Variants in FGGY observed in about 807,000 individuals in gnomAD.
The protein encoded by FGGY is FGGY carbohydrate kinase domain containing.
Under a neutral mutation model 71.3 loss-of-function variants are expected in FGGY, and 72 were observed. That is an observed-to-expected ratio of 1.01 (90% CI 0.84 to 1.23). FGGY has a LOEUF of 1.23. Ranked by LOEUF, FGGY falls within the 50% of genes most tolerant of loss-of-function variation. FGGY has a pLI of 0.00. For missense variants in FGGY, 668 were observed against 682.3 expected (o/e 0.98, Z 0.23); for synonymous variants, 251 against 250.3 (o/e 1.00, Z -0.02).
intron 4 of FGGY, among the ~76,000 whole-genome samples, chr1:59,347,891 T>C (rs2052418328): frequency 2.6e-5 from 4 of 152,038 alleles, no homozygotes; most frequent in South Asian, 2.1e-4. Context: ...AGGACATAGG[T>C]ATGGGCAAGG....
At position 59,734,483 on chromosome 1, in the gene FGGY, C is replaced by T. The variant is rs1269428362; in HGVS notation, c.1513-23448C>T. 2.0e-5 allele frequency among the ~76,000 whole-genome samples: 3 copies of T among 152,184 alleles called. No individual in the cohort carries two copies. In the East Asian group the frequency reaches 5.8e-4, roughly 29 times the overall value. On this transcript the variant is annotated intron_variant, in intron 14 of 15. Transcript: ENST00000303721. ...CCTCCCAGAGTTCTGGGATTACAGG[C>T]GTGAGTCAAGTGTCATTTTTCGTCC...
intron 11 of FGGY, among the ~76,000 whole-genome samples, chr1:59,653,636 G>T (rs890303353): frequency 1.3e-5 from 2 of 152,204 alleles, no homozygotes; most frequent in East Asian, 1.9e-4. Flanking sequence ...GCACCCACTG[G>T]CCTGCGCCCA....
intron 8 of FGGY, among the ~76,000 whole-genome samples, chr1:59,559,096 G>T (rs2095743093): frequency 6.6e-6 from 1 of 152,044 alleles, no homozygotes; most frequent in South Asian, 2.1e-4. Context: ...CAATCAATTT[G>T]TACAGTTAAC....
At chr1:59,670,398 A>G (rs1038711878) in intron 13 of FGGY, among the ~76,000 whole-genome samples, 1 of 152,240 alleles carries the variant, frequency 6.6e-6, no homozygotes, top group African/African-American at 2.4e-5. Flanking sequence ...CTGGAACATG[A>G]TTCTCAGAAA....
rs906671302 is a variant in FGGY, at chr1:59,595,321, TA to T, written c.904-12473del. Among the ~76,000 whole-genome samples, 460 of 133,800 alleles carry T rather than the reference TA, an allele frequency of 3.4e-3. 2 individuals carry two copies. Among genetic ancestry groups the T allele is most frequent in the African/African-American group, 0.012 (411 of 33,052 alleles). 87.8% of individuals were successfully genotyped at this position (133,800 alleles called of 152,430 possible). ...TGCATTCATTTGTAATGCCTTTTTTTAAAAAAAAATGACAGTAAGAGCAATT... is the reference window on the plus strand; with the variant it reads ...TGCATTCATTTGTAATGCCTTTTTTTAAAAAAAATGACAGTAAGAGCAATT... On this transcript the variant is annotated intron_variant, in intron 8 of 15. Coordinates refer to ENST00000303721, the MANE Select transcript of FGGY (RefSeq NM_018291.5).
intron 14 of FGGY, among the ~76,000 whole-genome samples, chr1:59,722,744 T>G (rs769030872): frequency 1.2e-4 from 19 of 152,204 alleles, no homozygotes; most frequent in Non-Finnish European, 2.5e-4. Context: ...GCATATTTCC[T>G]GCTCCAGTTC....
chr1:59,678,733 G>A (rs1035934213), intron 14 of FGGY, among the ~76,000 whole-genome samples: 1 of 152,102 alleles, frequency 6.6e-6, no homozygotes, highest in Non-Finnish European at 1.5e-5. Context: ...AATTCCAGCA[G>A]TGCTATTTGT....
chr1:59,684,202 C>T (rs1055017865), intron 14 of FGGY, among the ~76,000 whole-genome samples: 1 of 152,184 alleles, frequency 6.6e-6, no homozygotes, highest in Admixed American at 6.5e-5. Context: ...CAGATGGATA[C>T]AGTTATGAAA....
intron 6 of FGGY, among the ~76,000 whole-genome samples, chr1:59,466,360 T>G (rs575521891): frequency 6.6e-6 from 1 of 152,112 alleles, no homozygotes; most frequent in Non-Finnish European, 1.5e-5. Context: ...TAATTCAAGA[T>G]GGATTAAAGA....
intron 13 of FGGY, 25 bp from the exon 14 acceptor site, chr1:59,674,014 C>T: frequency 1.2e-6 from 2 of 1,607,154 alleles, no homozygotes; most frequent in Non-Finnish European, 1.7e-6. Flanking sequence ...GCTCCCTAAC[C>T]AAGGTGTGGC....
In FGGY at chr1:59,310,859, A is replaced by G. The variant is rs535045716; in HGVS notation, c.-14-10677A>G. On this transcript the variant is annotated intron_variant, in intron 1 of 15. Coordinates refer to ENST00000303721, the MANE Select transcript of FGGY (RefSeq NM_018291.5). Reference sequence around the variant, plus strand: ...CTGCTAGAACTCTGCAGAGGAAGAAAGTTTTTTAGGGTCTTTTTATTTTAA... The same window carrying G: ...CTGCTAGAACTCTGCAGAGGAAGAAGGTTTTTTAGGGTCTTTTTATTTTAA... Among the ~76,000 whole-genome samples, 8 of 152,312 alleles carry G rather than the reference A, an allele frequency of 5.3e-5. No homozygotes were observed. The East Asian group carries it at 1.5e-3, about 29-fold the overall frequency.
At chr1:59,499,235 T>C (rs1171281659) in intron 6 of FGGY, among the ~76,000 whole-genome samples, 3 of 151,042 alleles carry the variant, frequency 2.0e-5, no homozygotes, top group African/African-American at 4.9e-5. Flanking sequence ...GGAAAATACC[T>C]TCCAAGACCC....
chr1:59,493,088 C>T lies in FGGY; in HGVS notation c.671-19223C>T, dbSNP rs919296690. Reference sequence around the variant, plus strand: ...ATACTCATTAGGATGGCTACTATTACCAAACAAAACACACACACACACACA... The same window carrying T: ...ATACTCATTAGGATGGCTACTATTATCAAACAAAACACACACACACACACA... On this transcript the variant is annotated intron_variant, in intron 6 of 15. Coordinates refer to ENST00000303721, the MANE Select transcript of FGGY (RefSeq NM_018291.5). Among the ~76,000 whole-genome samples the T allele has an allele frequency of 7.8e-5, 10 of 128,308 alleles. No individual in the cohort carries two copies. In the Admixed American group the frequency reaches 8.8e-4, roughly 11 times the overall value. 84.2% of individuals were successfully genotyped at this position (128,308 alleles called of 152,430 possible).
intron 6 of FGGY, among the ~76,000 whole-genome samples, chr1:59,511,405 T>C (rs2094514678): frequency 6.6e-6 from 1 of 151,348 alleles, no homozygotes. Context: ...ATGAGTCAAC[T>C]CCTAGCCCCT....
intron 13 of FGGY, among the ~76,000 whole-genome samples, chr1:59,669,187 G>A (rs1456865031): frequency 6.6e-6 from 1 of 152,118 alleles, no homozygotes; most frequent in East Asian, 1.9e-4. Flanking sequence ...TGGGTGGGTA[G>A]GTGAATTAAA....
chr1:59,588,820 AG>A (rs1448461627), intron 8 of FGGY, among the ~76,000 whole-genome samples: 1 of 152,256 alleles, frequency 6.6e-6, no homozygotes, highest in Non-Finnish European at 1.5e-5. Flanking sequence ...AACCGGTACC[AG>A]CCACTGGAAA....
intron 7 of FGGY, among the ~76,000 whole-genome samples, chr1:59,513,818 T>G (rs1372116866): frequency 6.6e-6 from 1 of 152,214 alleles, no homozygotes; most frequent in Non-Finnish European, 1.5e-5. Flanking sequence ...ATTAATCTGT[T>G]TTCTTATGCA....
At chr1:59,452,080 CT>C (rs72244659) in intron 5 of FGGY, among the ~76,000 whole-genome samples, 243 of 142,172 alleles carry the variant, frequency 1.7e-3, no homozygotes, top group Admixed American at 1.5e-3. Context: ...TTGTTCTTTT[CT>C]TTTTTTTTTT....
chr1:59,750,826 G>A (rs1180358153), intron 14 of FGGY, among the ~76,000 whole-genome samples: 3 of 151,950 alleles, frequency 2.0e-5, no homozygotes, highest in Non-Finnish European at 4.4e-5. Flanking sequence ...ATTAGCATGT[G>A]AACTTGTTGT....
Sources: gnomAD v4.1 joint callset for allele counts (sites outside exome capture counted in the v4.1 genomes callset) on GRCh38, gnomAD v4.1.1 for gene constraint, MANE v1.5 for transcripts, NCBI Gene and HGNC (gene_info 2026-07-23, HGNC 2026-07-21) for gene names.